TPTE: variants seen among roughly 807,000 people sequenced by gnomAD.
The protein encoded by TPTE is putative tyrosine-protein phosphatase TPTE.
A neutral mutation model predicts 84.1 loss-of-function variants in TPTE; 59 were observed. The observed-to-expected ratio is 0.70, with a 90% CI of 0.57 to 0.87. TPTE has a LOEUF of 0.87. Among genes scored for constraint, TPTE ranks in the 40% least tolerant of loss-of-function variants. The pLI, the probability that TPTE is intolerant of heterozygous loss-of-function variation, is 0.00. For synonymous variants in TPTE, 130 were observed against 223.5 expected (o/e 0.58, Z 3.73); for missense variants, 382 against 659.6 (o/e 0.58, Z 4.61).
intron 7 of TPTE, among the ~76,000 whole-genome samples, chr21:10,547,694 C>T (rs2074494303): frequency 1.3e-5 from 2 of 152,310 alleles, no homozygotes; most frequent in African/African-American, 4.8e-5. Flanking sequence ...TGTGCCTCTC[C>T]AGCACTGGAG....
chr21:10,593,831 G>T (rs1366737485), intron 19 of TPTE, among the ~76,000 whole-genome samples: 1 of 152,304 alleles, frequency 6.6e-6, no homozygotes, highest in African/African-American at 2.4e-5. Flanking sequence ...GGCTGTAAAT[G>T]AGTTTTTCTT....
chr21:10,593,771 C>T (rs558635959), intron 19 of TPTE, among the ~76,000 whole-genome samples: 4 of 152,422 alleles, frequency 2.6e-5, no homozygotes, highest in Admixed American at 6.5e-5. Flanking sequence ...TATATTGCCC[C>T]TGAAACCGAA....
At chr21:10,579,256 T>G (rs1452201050) in intron 17 of TPTE, among the ~76,000 whole-genome samples, 1 of 152,312 alleles carries the variant, frequency 6.6e-6, no homozygotes, top group African/African-American at 2.4e-5. Flanking sequence ...GCACAGTGGC[T>G]CACACCTGTA....
rs377561221 is a variant in TPTE, at chr21:10,535,530, G to A, written c.-43-3151G>A. ...CAGACCAAATTGGATAAAAGAGGAT[G>A]AAGTCATGAAAGGGATGCTTCTTCC... On this transcript the variant is annotated intron_variant, in intron 3 of 23. Transcript: ENST00000618007. 2.7e-4 allele frequency among the ~76,000 whole-genome samples: 41 copies of A among 152,400 alleles called. No individual in the cohort carries two copies. In the East Asian group the frequency reaches 7.7e-3, roughly 29 times the overall value.
At chr21:10,530,600 C>T (rs1307951533) in intron 3 of TPTE, among the ~76,000 whole-genome samples, 1 of 152,308 alleles carries the variant, frequency 6.6e-6, no homozygotes, top group African/African-American at 2.4e-5. Context: ...TACCATTTGC[C>T]TTCACAAAGA....
chr21:10,587,217 T>G (rs2075382553), intron 17 of TPTE, among the ~76,000 whole-genome samples: 1 of 152,308 alleles, frequency 6.6e-6, no homozygotes, highest in Admixed American at 6.5e-5. Context: ...TGAGCTTAGA[T>G]TTTTGGTATA....
At chr21:10,549,247 A>G (rs530993002) in intron 7 of TPTE, among the ~76,000 whole-genome samples, 2 of 152,416 alleles carry the variant, frequency 1.3e-5, no homozygotes, top group South Asian at 2.1e-4. Context: ...TTTACTCCAT[A>G]AAATTGGAAA....
At chr21:10,538,808 A>G (rs1437884230) in intron 4 of TPTE, 74 bp downstream of exon 4, 4 of 1,613,650 alleles carry the variant, frequency 2.5e-6, no homozygotes, top group African/African-American at 2.7e-5. Context: ...ACACAGGCAC[A>G]TAAACAAATA....
intron 8 of TPTE, among the ~76,000 whole-genome samples, chr21:10,558,609 TCTGC>T (rs2074730430): frequency 6.6e-6 from 1 of 152,312 alleles, no homozygotes; most frequent in African/African-American, 2.4e-5. Flanking sequence ...CTGCTCAGTA[TCTGC>T]CCTCTTTGTT....
Position 10,598,010 on chromosome 21 carries a change from A to G in TPTE, c.1277-5A>G, listed in dbSNP as rs1360904392. On this transcript the variant is annotated splice_polypyrimidine_tract_variant and splice_region_variant and intron_variant, in intron 20 of 23. Transcript: ENST00000618007. ...TAACTTTTTAATTTCATTTTGTTGGAACAGGTTATGTACGTGATCTAAAAA... is the reference window on the plus strand; with the variant it reads ...TAACTTTTTAATTTCATTTTGTTGGGACAGGTTATGTACGTGATCTAAAAA... 3 of 1,613,418 alleles carry G rather than the reference A, an allele frequency of 1.9e-6. No individual in the cohort carries two copies. The highest frequency in any genetic ancestry group is 2.5e-6 in the Non-Finnish European group (3 of 1,179,538).
intron 10 of TPTE, 24 bp downstream of exon 10, chr21:10,561,215 G>A (rs1472886174): frequency 2.5e-6 from 4 of 1,609,988 alleles, no homozygotes; most frequent in African/African-American, 1.3e-5. Flanking sequence ...TTTTTATAAT[G>A]CATTAAGCTA....
In TPTE at chr21:10,544,155, T is replaced by C. The variant is rs531051912; in HGVS notation, c.173+773T>C. On this transcript the variant is annotated intron_variant, in intron 7 of 23. Transcript: ENST00000618007. ...TGGAAAACCTGATTCAAGTTAATTA[T>C]AGTGTAATGCTCAAGAAACCTTGCA... Among the ~76,000 whole-genome samples the C allele has an allele frequency of 1.6e-4, 24 of 152,372 alleles. No individual in the cohort carries two copies. In the East Asian group the frequency reaches 4.1e-3, roughly 26 times the overall value.
chr21:10,602,338 A>C (rs1978651264), intron 22 of TPTE, among the ~76,000 whole-genome samples, 188 bp downstream of exon 22: 1 of 152,306 alleles, frequency 6.6e-6, no homozygotes, highest in Non-Finnish European at 1.5e-5. Context: ...GTTTTTTTCT[A>C]AATTGTAAAT....
intron 17 of TPTE, among the ~76,000 whole-genome samples, chr21:10,582,892 C>A (rs1345268483): frequency 2.3e-3 from 351 of 151,154 alleles, no homozygotes; most frequent in African/African-American, 8.4e-3. Context: ...CACCACCACA[C>A]CCAGCTAATT....
intron 4 of TPTE, among the ~76,000 whole-genome samples, chr21:10,539,251 A>G (rs2074323452): frequency 6.6e-6 from 1 of 152,222 alleles, no homozygotes; most frequent in African/African-American, 2.4e-5. Context: ...CTGGGCAGAA[A>G]AGAACAGAGC....
At position 10,546,863 on chromosome 21, in the gene TPTE, A is replaced by G. The variant is rs1464677758; in HGVS notation, c.173+3481A>G. Among the ~76,000 whole-genome samples the G allele has an allele frequency of 6.6e-5, 10 of 152,426 alleles. No homozygotes were observed. The South Asian group carries it at 1.9e-3, about 28-fold the overall frequency. On this transcript the variant is annotated intron_variant, in intron 7 of 23. Transcript: ENST00000618007. Reference sequence around the variant, plus strand: ...TAAGGAAAGAAGCCATCTCCATCACATAAAAGTGCAAGGTAAACAGCCAGT... The same window carrying G: ...TAAGGAAAGAAGCCATCTCCATCACGTAAAAGTGCAAGGTAAACAGCCAGT...
At chr21:10,545,656 A>G (rs544933665) in intron 7 of TPTE, among the ~76,000 whole-genome samples, 224 of 152,268 alleles carry the variant, frequency 1.5e-3, no homozygotes, top group Non-Finnish European at 2.4e-3. Flanking sequence ...ACACACATAT[A>G]ACACACATGT....
chr21:10,555,218 T>A, intron 8 of TPTE, among the ~76,000 whole-genome samples: 1 of 152,262 alleles, frequency 6.6e-6, no homozygotes, highest in Non-Finnish European at 1.5e-5. Context: ...TTTTCTCTCT[T>A]TTTTTTTTGA....
chr21:10,523,533 G>A (rs2074024268), intron 1 of TPTE, among the ~76,000 whole-genome samples: 1 of 150,904 alleles, frequency 6.6e-6, no homozygotes, highest in South Asian at 2.1e-4. Context: ...TCCCACCTAT[G>A]AGTGAGAATA....
Sources: gnomAD v4.1 joint callset for allele counts (sites outside exome capture counted in the v4.1 genomes callset) on GRCh38, gnomAD v4.1.1 for gene constraint, MANE v1.5 for transcripts, NCBI Gene and HGNC (gene_info 2026-07-23, HGNC 2026-07-21) for gene names.